Variants in SPATA9 observed in about 807,000 individuals in gnomAD.
The protein encoded by SPATA9 is spermatogenesis associated 9, also known as spermatogenesis-associated protein 9.
SPATA9 carries 27 observed loss-of-function variants against 25.5 expected under a neutral mutation model. That is an observed-to-expected ratio of 1.06 (90% CI 0.78 to 1.46). The LOEUF (loss-of-function observed/expected upper bound fraction) is 1.46. Ranked by LOEUF, SPATA9 falls within the 40% of genes most tolerant of loss-of-function variation. The probability of loss-of-function intolerance (pLI) is 0.00; values close to 1 mark genes in which losing one functional copy is unlikely to be tolerated. For synonymous variants in SPATA9, 102 were observed against 105.7 expected, an observed-to-expected ratio of 0.97 and a Z score of 0.21; for missense variants, 282 against 297.5, an observed-to-expected ratio of 0.95 and a Z score of 0.38.
intron 3 of SPATA9, among the ~76,000 whole-genome samples, chr5:95,665,247 A>G (rs1216447086): frequency 6.6e-6 from 1 of 152,198 alleles, no homozygotes; most frequent in African/African-American, 2.4e-5. Flanking sequence ...ATTTTGTAAT[A>G]CATAATATTT....
intron 3 of SPATA9, among the ~76,000 whole-genome samples, chr5:95,665,188 T>C (rs1050756862): frequency 3.3e-5 from 5 of 152,222 alleles, no homozygotes; most frequent in African/African-American, 9.6e-5. Flanking sequence ...ACATTGTGCA[T>C]TTATCATTTC....
the SPATA9 span, among the ~76,000 whole-genome samples, chr5:95,704,887 T>A: frequency 6.6e-6 from 1 of 151,758 alleles, no homozygotes; most frequent in African/African-American, 2.4e-5. Flanking sequence ...GTCAAGAGAG[T>A]GTACCCTTCA....
the SPATA9 span, among the ~76,000 whole-genome samples, chr5:95,722,710 G>A: frequency 6.6e-6 from 1 of 152,278 alleles, no homozygotes; most frequent in South Asian, 2.1e-4. Flanking sequence ...GGCTGGTCTT[G>A]AACTCCTGTT....
At chr5:95,661,477 A>G (rs753698952) in intron 4 of SPATA9, among the ~76,000 whole-genome samples, 1 of 152,136 alleles carries the variant, frequency 6.6e-6, no homozygotes, top group Non-Finnish European at 1.5e-5. Flanking sequence ...TATAAAGTTC[A>G]TGGCGTGATA....
At chr5:95,664,452 G>A (rs1231744535) in intron 3 of SPATA9, among the ~76,000 whole-genome samples, 1 of 152,170 alleles carries the variant, frequency 6.6e-6, no homozygotes, top group Non-Finnish European at 1.5e-5. Flanking sequence ...TTTTCCTAGA[G>A]ATTAATGACC....
chr5:95,723,410 T>C, the SPATA9 span, among the ~76,000 whole-genome samples: 1 of 152,198 alleles, frequency 6.6e-6, no homozygotes, highest in South Asian at 2.1e-4. Context: ...GTAGTCTCCT[T>C]CTCTGGGAAG....
chr5:95,713,589 T>C, the SPATA9 span: 4 of 152,228 alleles, frequency 2.6e-5, no homozygotes, highest in South Asian at 2.1e-4. Flanking sequence ...GCCTGCAGAA[T>C]TGTGAGCCAT....
At chr5:95,714,075 TC>T in the SPATA9 span, among the ~76,000 whole-genome samples, 1 of 152,198 alleles carries the variant, frequency 6.6e-6, no homozygotes, top group Non-Finnish European at 1.5e-5. Flanking sequence ...ATTTTATTTT[TC>T]TTTTATATTT....
chr5:95,732,004 G>A, the SPATA9 span: 1 of 1,614,206 alleles, frequency 6.2e-7, no homozygotes, highest in East Asian at 2.2e-5. Flanking sequence ...GGCCAGCACG[G>A]TCGCGCGTCC....
At chr5:95,652,428 C>A (rs1192794584), downstream of SPATA9, 19 of 1,460,656 alleles carry the variant, frequency 1.3e-5, no homozygotes, top group Admixed American at 2.1e-5. Context: ...GACTTGACAT[C>A]TCTACTTGGA....
the SPATA9 span, among the ~76,000 whole-genome samples, chr5:95,722,495 G>T: frequency 6.6e-6 from 1 of 151,956 alleles, no homozygotes; most frequent in South Asian, 2.1e-4. Flanking sequence ...TAATGTAAAA[G>T]AGGTTTTTTT....
At chr5:95,693,824 T>C (rs1753947956) in intron 1 of SPATA9, among the ~76,000 whole-genome samples, 1 of 152,186 alleles carries the variant, frequency 6.6e-6, no homozygotes, top group South Asian at 2.1e-4. Flanking sequence ...CCTGATAGAA[T>C]CTTCCATGTT....
the SPATA9 span, among the ~76,000 whole-genome samples, chr5:95,716,306 C>A: frequency 6.6e-6 from 1 of 152,260 alleles, no homozygotes; most frequent in African/African-American, 2.4e-5. Context: ...TGCAAAGCCA[C>A]ATGGGCAGAG....
chr5:95,667,417 G>T (rs1039980332), intron 3 of SPATA9, among the ~76,000 whole-genome samples: 4 of 152,152 alleles, frequency 2.6e-5, no homozygotes, highest in Non-Finnish European at 5.9e-5. Flanking sequence ...GGTAGGGAAA[G>T]TTTCTGCCCA....
At chr5:95,711,300 C>G in the SPATA9 span, among the ~76,000 whole-genome samples, 3 of 152,170 alleles carry the variant, frequency 2.0e-5, no homozygotes, top group Non-Finnish European at 4.4e-5. Flanking sequence ...TCTCCAGATA[C>G]GCTCCCTCTC....
At chr5:95,710,710 T>A in the SPATA9 span, among the ~76,000 whole-genome samples, 2 of 152,226 alleles carry the variant, frequency 1.3e-5, no homozygotes, top group Non-Finnish European at 1.5e-5. Flanking sequence ...AGCCTGTTCT[T>A]CTGTGTCTGT....
chr5:95,661,405 A>G (rs866104304), intron 4 of SPATA9, among the ~76,000 whole-genome samples: 4 of 152,148 alleles, frequency 2.6e-5, no homozygotes, highest in Non-Finnish European at 4.4e-5. Context: ...GACCTCTCCC[A>G]GGCCTTAGAT....
At chr5:95,714,915 T>C in the SPATA9 span, among the ~76,000 whole-genome samples, 2 of 152,202 alleles carry the variant, frequency 1.3e-5, no homozygotes, top group Admixed American at 1.3e-4. Flanking sequence ...AAGAGATATA[T>C]ACTATGTTCA....
chr5:95,706,409 T>C, the SPATA9 span, among the ~76,000 whole-genome samples: 47 of 151,812 alleles, frequency 3.1e-4, no homozygotes, highest in African/African-American at 8.7e-4. Flanking sequence ...TTCCTCCTGC[T>C]CCAGCCACAA....
Sources: gnomAD v4.1 joint callset for allele counts (sites outside exome capture counted in the v4.1 genomes callset) on GRCh38, gnomAD v4.1.1 for gene constraint, MANE v1.5 for transcripts, NCBI Gene and HGNC (gene_info 2026-07-23, HGNC 2026-07-21) for gene names.